The following CKAP2 variants were observed in gnomAD, a reference collection of about 807,000 sequenced individuals.
CKAP2 encodes the protein cytoskeleton associated protein 2, also known as cytoskeleton-associated protein 2.
A neutral mutation model predicts 58.4 loss-of-function variants in CKAP2; 46 were observed. The observed-to-expected ratio is 0.79, with a 90% CI of 0.62 to 1.01. CKAP2 has a LOEUF of 1.01. Among genes scored for constraint, CKAP2 ranks in the 50% least tolerant of loss-of-function variants. The pLI is 0.00. For synonymous variants in CKAP2, 293 were observed against 280.9 expected (o/e 1.04, Z -0.43); for missense variants, 809 against 796.4 (o/e 1.02, Z -0.19).
chr13:52,467,187 G>C (rs980143303), intron 6 of CKAP2, among the ~76,000 whole-genome samples: 1 of 151,906 alleles, frequency 6.6e-6, no homozygotes, highest in Non-Finnish European at 1.5e-5. Flanking sequence ...CTAAGACTGT[G>C]AATTACACCT....
rs1403323177 is a variant in CKAP2, at chr13:52,461,585, AC to A, written c.761del (p.Pro254LeufsTer14). 6.2e-7 allele frequency: 1 copy of A among 1,614,060 alleles called. No individual in the cohort carries two copies. The highest frequency in any genetic ancestry group is 2.2e-5 in the East Asian group (1 of 44,878). On this transcript the variant is annotated frameshift_variant, in exon 4 of 9. Transcript: ENST00000258607. LOFTEE classifies it high-confidence loss of function. ...TTSQNTQLVR[P>X]PIRSHHSNTR... Reference sequence around the variant, plus strand: ...CATCTCAGAACACACAACTTGTGCGACCTCCTATTAGAAGTCATCACAGTAA... The same window carrying A: ...CATCTCAGAACACACAACTTGTGCGACTCCTATTAGAAGTCATCACAGTAA...
At chr13:52,462,240 C>A in intron 4 of CKAP2, 123 bp from the exon 5 acceptor site, 1 of 799,496 alleles carries the variant, frequency 1.3e-6, no homozygotes, top group Non-Finnish European at 1.9e-6. Flanking sequence ...TTTCTTCAAG[C>A]TTGTGAACTA....
At chr13:52,467,405 A>G (rs927189149) in intron 6 of CKAP2, among the ~76,000 whole-genome samples, 14 of 152,190 alleles carry the variant, frequency 9.2e-5, no homozygotes, top group Non-Finnish European at 4.4e-5. Flanking sequence ...AAGTAAAATT[A>G]TGGAGGAAGT....
Position 52,474,883 on chromosome 13 carries a change from T to C in CKAP2, c.1803-12T>C. On this transcript the variant is annotated splice_polypyrimidine_tract_variant and intron_variant, in intron 8 of 8. Coordinates refer to ENST00000258607, the MANE Select transcript of CKAP2 (RefSeq NM_018204.5). ...ATGTTTTTGAACTCTGGAATATTGT[T>C]TTAATTTTCAGTGTGAAAAAAAAGG... is the stretch of plus-strand genomic sequence containing the variant. 1 of 1,606,124 alleles carries C rather than the reference T, an allele frequency of 6.2e-7. No individual in the cohort carries two copies. Among genetic ancestry groups the C allele is most frequent in the South Asian group, 1.1e-5 (1 of 90,430 alleles).
At position 52,462,368 on chromosome 13, in the gene CKAP2, G is replaced by C; in HGVS notation, c.1106G>C (p.Arg369Pro). Residue 369 changes from arginine (R) to proline (P), a missense_variant, in exon 5 of 9, where the codon CGT (arginine) becomes CCT (proline). Arg to Pro is a moderately radical substitution (Grantham distance 103, BLOSUM62 -2). Coordinates refer to ENST00000258607, the MANE Select transcript of CKAP2 (RefSeq NM_018204.5). Reference sequence around the variant, plus strand: ...ATATCTGCTTCTAACTATAGAGCTCGTCTGAGTGAGTGGAAAGCTGGCAAA... The same window carrying C: ...ATATCTGCTTCTAACTATAGAGCTCCTCTGAGTGAGTGGAAAGCTGGCAAA... ...PKETSEERKA[R>P]LSEWKAGKGR... is the part of the protein sequence containing the mutation. 6.2e-7 allele frequency: 1 copy of C among 1,613,906 alleles called. No homozygotes were observed. Among genetic ancestry groups the C allele is most frequent in the Non-Finnish European group, 8.5e-7 (1 of 1,179,964 alleles).
chr13:52,467,720 GA>G (rs754847828), intron 6 of CKAP2, among the ~76,000 whole-genome samples: 1 of 148,800 alleles, frequency 6.7e-6, no homozygotes, highest in East Asian at 1.9e-4. Flanking sequence ...AAAGAAAAAA[GA>G]AAAAAAAGGA....
At chr13:52,456,288 G>T in intron 1 of CKAP2, 1 of 764,760 alleles carries the variant, frequency 1.3e-6, no homozygotes, top group East Asian at 3.7e-5. Flanking sequence ...TTTTTCACAG[G>T]GAGTAGAGAA....
intron 7 of CKAP2, among the ~76,000 whole-genome samples, chr13:52,469,461 G>A (rs547904646): frequency 6.6e-6 from 1 of 152,248 alleles, no homozygotes; most frequent in East Asian, 1.9e-4. Flanking sequence ...TTAGTTGCCA[G>A]TCATAAAAAC....
intron 6 of CKAP2, among the ~76,000 whole-genome samples, chr13:52,467,968 C>T (rs911028737): frequency 2.6e-5 from 4 of 152,070 alleles, no homozygotes; most frequent in African/African-American, 9.7e-5. Context: ...TGCCACCACG[C>T]CCGGCTCATT....
At chr13:52,455,926 C>A in intron 1 of CKAP2, 2 of 1,159,328 alleles carry the variant, frequency 1.7e-6, no homozygotes, top group Non-Finnish European at 2.1e-6. Flanking sequence ...GTGTCGGAGA[C>A]CCTGGGTCCG....
At chr13:52,465,176 AT>A in intron 5 of CKAP2, 118 bp from the exon 6 acceptor site, 1 of 778,446 alleles carries the variant, frequency 1.3e-6, no homozygotes, top group Non-Finnish European at 2.0e-6. Flanking sequence ...CTAATGTTTC[AT>A]TTTTTTGCTT....
chr13:52,463,886 A>G (rs1269112906), intron 5 of CKAP2, among the ~76,000 whole-genome samples: 1 of 152,176 alleles, frequency 6.6e-6, no homozygotes, highest in Non-Finnish European at 1.5e-5. Context: ...CCTGTTGCAT[A>G]CTTTCACCTT....
At chr13:52,458,893 A>G (rs1346126067) in intron 2 of CKAP2, among the ~76,000 whole-genome samples, 3 of 152,122 alleles carry the variant, frequency 2.0e-5, no homozygotes. Flanking sequence ...GTCAATTTAA[A>G]TGTTATCACC....
intron 2 of CKAP2, among the ~76,000 whole-genome samples, chr13:52,457,869 T>C (rs574381359): frequency 6.6e-6 from 1 of 150,772 alleles, no homozygotes; most frequent in East Asian, 2.0e-4. Context: ...AAAAAAAAAT[T>C]GTCTCAGGTA....
At chr13:52,455,917 T>G (rs1958471168) in intron 1 of CKAP2, 1 of 1,149,728 alleles carries the variant, frequency 8.7e-7, no homozygotes, top group Non-Finnish European at 1.1e-6. Context: ...CCGGGGTCGG[T>G]GTCGGAGACC....
At position 52,473,946 on chromosome 13, in the gene CKAP2, A is replaced by G. The variant is rs1958792928; in HGVS notation, c.1664A>G (p.Asn555Ser). Residue 555 changes from asparagine to serine, a missense_variant, in exon 8 of 9, where the codon AAT becomes AGT. Asn to Ser is a conservative substitution (Grantham distance 46). Around this residue, in one of 3 missense-constraint regions of CKAP2, gnomAD observed 283 missense variants for 287.6 expected, o/e 0.98. Transcript: ENST00000258607. Reference protein sequence around the residue: ...KLEMESKLHRNLLFQDCEKEQ... With the variant: ...KLEMESKLHRSLLFQDCEKEQ... ...GAAATGGAGAGTAAACTTCATAGAA[A>G]TTTGCTATTTCAAGATTGTGAAAAA... 3.7e-6 allele frequency: 6 copies of G among 1,613,992 alleles called. No homozygotes were observed. The highest frequency in any genetic ancestry group is 1.1e-5 in the South Asian group (1 of 91,084).
rs1958592089 is a variant in CKAP2, at chr13:52,461,941, TTTTC to T, written c.1100+19_1100+22del. 6.4e-7 allele frequency: 1 copy of T among 1,558,052 alleles called. No homozygotes were observed. On this transcript the variant is annotated intron_variant, in intron 4 of 8. Transcript: ENST00000258607. ...GAAGAGAGAAAGTAAGTAGATATAATTTTCTTTATTACATTAGTTTTCAATAAAG... is the reference window on the plus strand; with the variant it reads ...GAAGAGAGAAAGTAAGTAGATATAATTTTATTACATTAGTTTTCAATAAAG...
chr13:52,466,391 G>A (rs1594140014), intron 6 of CKAP2, among the ~76,000 whole-genome samples: 1 of 152,086 alleles, frequency 6.6e-6, no homozygotes, highest in African/African-American at 2.4e-5. Context: ...CAAAATCAAC[G>A]AACGCTATTT....
Position 52,474,043 on chromosome 13 carries a change from C to T in CKAP2, c.1761C>T (p.Cys587=). The T allele has an allele frequency of 6.2e-7, 1 of 1,613,804 alleles. No individual in the cohort carries two copies. Among genetic ancestry groups the T allele is most frequent in the Non-Finnish European group, 8.5e-7 (1 of 1,179,818 alleles). ...CCAATACAGAAACGAGGACAAGTTG[C>T]TTAATTAAATATAATGTGTCTACTA... ...KTPNTETRTS[C]LIKYNVSTTP... is the part of the protein sequence containing the mutation. The change falls in exon 8 of 9, where the codon TGC becomes TGT. Residue 587 remains cysteine (C), a synonymous_variant. Coordinates refer to ENST00000258607, the MANE Select transcript of CKAP2 (RefSeq NM_018204.5).
Sources: allele counts gnomAD v4.1 joint callset (sites outside exome capture counted in the v4.1 genomes callset), GRCh38; gene constraint gnomAD v4.1.1; regional missense constraint gnomAD v4.1.1; transcripts MANE v1.5; gene names NCBI Gene and HGNC (gene_info 2026-07-23, HGNC 2026-07-21).